The following ERICH6 variants were observed in gnomAD, a reference collection of about 807,000 sequenced individuals.
The protein encoded by ERICH6 is glutamate rich 6, also known as glutamate-rich protein 6.
Under a neutral mutation model 71.0 loss-of-function variants are expected in ERICH6, and 71 were observed. The observed-to-expected ratio is 1.00, with a 90% CI of 0.83 to 1.22. The LOEUF (loss-of-function observed/expected upper bound fraction) is 1.22. Among genes scored for constraint, ERICH6 ranks in the 50% most tolerant of loss-of-function variants. The probability of loss-of-function intolerance (pLI) is 0.00; values close to 1 mark genes in which losing one functional copy is unlikely to be tolerated. For synonymous variants in ERICH6, 262 were observed against 278.4 expected, an observed-to-expected ratio of 0.94 and a Z score of 0.59; for missense variants, 808 against 797.2, an observed-to-expected ratio of 1.01 and a Z score of -0.16.
Position 150,666,993 on chromosome 3 carries a change from C to T in ERICH6, c.1522G>A (p.Gly508Ser). 1.2e-6 allele frequency: 2 copies of T among 1,614,040 alleles called. No homozygotes were observed. The highest frequency in any genetic ancestry group is 1.7e-6 in the Non-Finnish European group (2 of 1,179,974). ...NVWVYINILG[G>S]QYSDQAGNRI... ...TTGCCGGCTTGATCTGAATATTGAC[C>T]TCCCAAGATATTGATGTATACCCTG... is the stretch of plus-strand genomic sequence containing the variant. The change falls in exon 13 of 14, where the codon GGT becomes AGT. Residue 508 changes from glycine to serine, a missense_variant. By Grantham distance (56) the Gly-to-Ser change is moderately conservative. Coordinates refer to ENST00000295910, the MANE Select transcript of ERICH6 (RefSeq NM_152394.5).
At chr3:150,699,402 C>T (rs1418097297) in intron 2 of ERICH6, among the ~76,000 whole-genome samples, 1 of 152,198 alleles carries the variant, frequency 6.6e-6, no homozygotes, top group Non-Finnish European at 1.5e-5. Context: ...AGCTTCACTC[C>T]TCCCTGCCTA....
chr3:150,671,468 G>A (rs1016889660), intron 11 of ERICH6, among the ~76,000 whole-genome samples: 4 of 152,150 alleles, frequency 2.6e-5, no homozygotes, highest in Non-Finnish European at 5.9e-5. Flanking sequence ...CCATGAAATG[G>A]ATATTTAATT....
chr3:150,688,262 T>TA (rs1712276930), intron 3 of ERICH6, among the ~76,000 whole-genome samples: 1 of 152,110 alleles, frequency 6.6e-6, no homozygotes, highest in Non-Finnish European at 1.5e-5. Context: ...CACAGGTATG[T>TA]AAAAAAATTA....
At chr3:150,691,693 T>G (rs183664983) in intron 3 of ERICH6, among the ~76,000 whole-genome samples, 1 of 151,958 alleles carries the variant, frequency 6.6e-6, no homozygotes, top group East Asian at 1.9e-4. Context: ...TAAGTTTTGG[T>G]TTGCTTAGGA....
rs190632219 is a variant in ERICH6, at chr3:150,685,913, G to A, written c.666+53C>T. ...GGGGAAATAATTGAAGATTTGATAA[G>A]CCATTTTTACTATGAGAACAGTGTA... On this transcript the variant is annotated intron_variant, in intron 5 of 13. Transcript: ENST00000295910. 4.8e-5 allele frequency: 77 copies of A among 1,601,768 alleles called. No homozygotes were observed. The African/African-American group carries it at 8.7e-4, about 18-fold the overall frequency.
chr3:150,679,035 C>CAAAAAAAAA (rs1160094551), intron 9 of ERICH6, among the ~76,000 whole-genome samples: 1 of 65,222 alleles, frequency 1.5e-5, no homozygotes. Flanking sequence ...GACTCTGTCT[C>CAAAAAAAAA]AAAAAAAAAA....
chr3:150,680,155 A>C (rs557261624), intron 9 of ERICH6, among the ~76,000 whole-genome samples: 113 of 152,358 alleles, frequency 7.4e-4, no homozygotes, highest in African/African-American at 2.6e-3. Flanking sequence ...AGATGGCTGG[A>C]AACACTAGCT....
At chr3:150,681,037 A>T in intron 7 of ERICH6, 107 bp from the exon 8 acceptor site, 1 of 1,142,198 alleles carries the variant, frequency 8.8e-7, no homozygotes, top group Non-Finnish European at 1.2e-6. Context: ...ATAAGTTTTT[A>T]TTCTGGTAAT....
intron 3 of ERICH6, among the ~76,000 whole-genome samples, chr3:150,692,429 G>A (rs765527287): frequency 1.1e-4 from 16 of 151,938 alleles, no homozygotes; most frequent in Non-Finnish European, 2.1e-4. Flanking sequence ...TTTGATAATG[G>A]TCAAACTTTC....
At chr3:150,687,034 G>A (rs1430073726) in intron 3 of ERICH6, among the ~76,000 whole-genome samples, 1 of 152,216 alleles carries the variant, frequency 6.6e-6, no homozygotes, top group South Asian at 2.1e-4. Flanking sequence ...AGCCAGGTGT[G>A]CTGACAGGCA....
chr3:150,661,480 G>A (rs1576544254), intron 13 of ERICH6, among the ~76,000 whole-genome samples: 1 of 152,074 alleles, frequency 6.6e-6, no homozygotes, highest in South Asian at 2.1e-4. Flanking sequence ...AATATTTGAC[G>A]CCACTAAAGA....
chr3:150,684,443 T>C (rs1712095967), intron 6 of ERICH6, among the ~76,000 whole-genome samples: 1 of 152,200 alleles, frequency 6.6e-6, no homozygotes, highest in Non-Finnish European at 1.5e-5. Flanking sequence ...CATTCATCTC[T>C]ACATGTGCAT....
At chr3:150,662,154 A>G (rs1199835972) in intron 13 of ERICH6, among the ~76,000 whole-genome samples, 1 of 152,222 alleles carries the variant, frequency 6.6e-6, no homozygotes, top group African/African-American at 2.4e-5. Flanking sequence ...TGTCAAAATA[A>G]AAACAAAACC....
intron 3 of ERICH6, among the ~76,000 whole-genome samples, chr3:150,698,545 CCATTTATTG>C (rs890846760): frequency 1.3e-5 from 2 of 152,156 alleles, no homozygotes; most frequent in Non-Finnish European, 2.9e-5. Flanking sequence ...ATAATTGCTA[CCATTTATTG>C]AATACTGAAA....
chr3:150,703,164 C>T (rs1712981974), intron 1 of ERICH6, among the ~76,000 whole-genome samples: 1 of 151,566 alleles, frequency 6.6e-6, no homozygotes, highest in Non-Finnish European at 1.5e-5. Flanking sequence ...GGCTTGAGCC[C>T]AGGAGGTCGA....
intron 3 of ERICH6, among the ~76,000 whole-genome samples, chr3:150,687,184 C>T (rs1712229511): frequency 6.6e-6 from 1 of 152,210 alleles, no homozygotes; most frequent in South Asian, 2.1e-4. Context: ...TGCAATACCA[C>T]TACAGTCGAT....
In ERICH6 at chr3:150,680,944, A is replaced by C. The variant is rs1212967104; in HGVS notation, c.883-14T>G. 1.2e-6 allele frequency: 2 copies of C among 1,600,154 alleles called. No homozygotes were observed. Among genetic ancestry groups the C allele is most frequent in the Non-Finnish European group, 1.7e-6 (2 of 1,174,286 alleles). ...ACAACAGGAGGCCTGGAAAACACAGAAGTTACTCTCATCTCATTAGTCCTA... is the reference window on the plus strand; with the variant it reads ...ACAACAGGAGGCCTGGAAAACACAGCAGTTACTCTCATCTCATTAGTCCTA... On this transcript the variant is annotated splice_polypyrimidine_tract_variant and intron_variant, in intron 7 of 13. Coordinates refer to ENST00000295910, the MANE Select transcript of ERICH6 (RefSeq NM_152394.5).
intron 10 of ERICH6, 126 bp from the exon 11 acceptor site, chr3:150,674,167 C>T (rs917365173): frequency 1.7e-5 from 12 of 707,062 alleles, no homozygotes; most frequent in Non-Finnish European, 2.8e-5. Context: ...AATGTTGGCC[C>T]TGCTTCAACA....
intron 6 of ERICH6, 96 bp downstream of exon 6, chr3:150,685,643 TTTC>T: frequency 8.5e-6 from 9 of 1,053,914 alleles, no homozygotes; most frequent in South Asian, 8.1e-5. Context: ...TTTTTTTTTT[TTTC>T]CTTTTAGAGT....
Sources: gnomAD v4.1 joint callset for allele counts (sites outside exome capture counted in the v4.1 genomes callset) on GRCh38, gnomAD v4.1.1 for gene constraint, MANE v1.5 for transcripts, NCBI Gene and HGNC (gene_info 2026-07-23, HGNC 2026-07-21) for gene names.